The following NAT10 variants were observed in gnomAD, a reference collection of about 807,000 sequenced individuals.
NAT10 encodes RNA cytidine acetyltransferase.
NAT10 carries 109 observed loss-of-function variants against 132.2 expected under a neutral mutation model. That is an observed-to-expected ratio of 0.82 (90% confidence interval 0.71 to 0.97). The LOEUF is 0.97. Among genes scored for constraint, NAT10 ranks in the 50% least tolerant of loss-of-function variants. The pLI is 0.00. For synonymous variants in NAT10, 479 were observed against 478.0 expected (o/e 1.00, Z -0.03); for missense variants, 1,184 against 1,263.4 (o/e 0.94, Z 0.95).
rs551417968 is a variant in NAT10, at chr11:34,145,789, A to G, written c.2970-295A>G. 2.2e-4 allele frequency among the ~76,000 whole-genome samples: 33 copies of G among 152,256 alleles called. 1 individual carries two copies. In the South Asian group the frequency reaches 3.9e-3, roughly 18 times the overall value. On this transcript the variant is annotated intron_variant, in intron 28 of 28. Coordinates refer to ENST00000257829, the MANE Select transcript of NAT10 (RefSeq NM_024662.3). ...TAGGTCTGTCTTGGGAGAGGGGAGC[A>G]GAGTGTACTGCACCCTGAGGAGAAC...
intron 3 of NAT10, among the ~76,000 whole-genome samples, chr11:34,111,749 C>T (rs976315398): frequency 5.3e-5 from 8 of 152,220 alleles, no homozygotes; most frequent in Non-Finnish European, 8.8e-5. Context: ...CAAGCTCTGG[C>T]TTTGGCCAAA....
chr11:34,142,414 T>C, intron 27 of NAT10, 66 bp downstream of exon 27: 1 of 1,416,240 alleles, frequency 7.1e-7, no homozygotes, highest in Non-Finnish European at 9.9e-7. Context: ...GCCTACACGT[T>C]TCTTCTAATC....
At chr11:34,134,218 G>C (rs1003297104) in intron 16 of NAT10, 101 bp from the exon 17 acceptor site, 1 of 968,244 alleles carries the variant, frequency 1.0e-6, no homozygotes, top group African/African-American at 1.6e-5. Context: ...GAACATGGGG[G>C]TGGAAACAAC....
intron 1 of NAT10, 98 bp downstream of exon 1, chr11:34,105,890 C>T (rs527436023): frequency 6.6e-6 from 1 of 152,354 alleles, no homozygotes; most frequent in Non-Finnish European, 1.5e-5. Flanking sequence ...GGCTCTGCAT[C>T]CGGACGGATA....
intron 3 of NAT10, among the ~76,000 whole-genome samples, chr11:34,111,186 T>C (rs1022635101): frequency 4.7e-4 from 71 of 152,102 alleles, no homozygotes; most frequent in African/African-American, 1.7e-3. Context: ...GTACCTCTTA[T>C]AGCTCTTCTG....
chr11:34,132,215 C>T lies in NAT10; in HGVS notation c.1611C>T (p.His537=). 6.2e-7 allele frequency: 1 copy of T among 1,613,066 alleles called. No homozygotes were observed. Among genetic ancestry groups the T allele is most frequent in the Non-Finnish European group, 8.5e-7 (1 of 1,179,046 alleles). ...TTATGGCCCTCTACGTGGCTTCTCACTACAAGGTAACTGCAGCTAGCCCTT... is the reference window on the plus strand; with the variant it reads ...TTATGGCCCTCTACGTGGCTTCTCATTACAAGGTAACTGCAGCTAGCCCTT... The part of the protein sequence containing the change: ...QRLMALYVAS[H]YKNSPNDLQM... The change falls in exon 15 of 29, where the codon CAC becomes CAT. Residue 537 remains histidine (H), a synonymous_variant. Coordinates refer to ENST00000257829, the MANE Select transcript of NAT10 (RefSeq NM_024662.3).
rs138072368 is a variant in NAT10 at position 34,128,876 on chromosome 11, C to T, written c.1244+1277C>T. On this transcript the variant is annotated intron_variant, in intron 12 of 28. Transcript: ENST00000257829. ...CCAACCCTAGGGAGTCACTAATCTA[C>T]TTTCTGTACCCATAGATTTGCCTAT... Among the ~76,000 whole-genome samples, 659 of 152,300 alleles carry T rather than the reference C, an allele frequency of 4.3e-3. 4 individuals are homozygous for T. The highest frequency in any genetic ancestry group is 0.015 in the African/African-American group (633 of 41,556).
At chr11:34,110,559 CTTTTTTTTTTTTTTT>C (rs948109196) in intron 3 of NAT10, among the ~76,000 whole-genome samples, 1 of 101,742 alleles carries the variant, frequency 9.8e-6, no homozygotes, top group African/African-American at 4.5e-5. Flanking sequence ...TTTTCTTTCC[CTTTTTTTTTTTTTTT>C]TTTTTTTTTT....
Position 34,140,445 on chromosome 11 carries a change from T to C in NAT10, c.2465T>C (p.Leu822Pro). 1 of 1,614,200 alleles carries C rather than the reference T, an allele frequency of 6.2e-7. No homozygotes were observed. Among genetic ancestry groups the C allele is most frequent in the Non-Finnish European group, 8.5e-7 (1 of 1,180,020 alleles). ...ELEALFLPYD[L>P]KRLEMYSRNM... is the part of the protein sequence containing the mutation. ...GAAGCACTCTTCCTCCCCTATGACC[T>C]GAAGCGGCTGGAGATGTATTCACGG... Residue 822 changes from leucine to proline, a missense_variant, in exon 24 of 29, where the codon CTG (leucine) becomes CCG (proline). Coordinates refer to ENST00000257829, the MANE Select transcript of NAT10 (RefSeq NM_024662.3).
intron 12 of NAT10, 108 bp from the exon 13 acceptor site, chr11:34,130,705 G>A (rs1255988351): frequency 1.5e-6 from 2 of 1,376,992 alleles, no homozygotes; most frequent in Non-Finnish European, 2.0e-6. Flanking sequence ...CTGTCCTGGG[G>A]GAAGCAGGGG....
chr11:34,136,554 A>G (rs1249411179), intron 19 of NAT10, 88 bp from the exon 20 acceptor site: 6 of 1,516,706 alleles, frequency 4.0e-6, no homozygotes, highest in Non-Finnish European at 5.4e-6. Flanking sequence ...TTGTTGTGCT[A>G]AGTCCAGAGT....
chr11:34,120,143 GT>G (rs771235436), intron 8 of NAT10, among the ~76,000 whole-genome samples: 1,410 of 94,116 alleles, frequency 0.015, 10 homozygotes, highest in African/African-American at 0.057. Flanking sequence ...GTTGCTGTTG[GT>G]TTTTTTTTTT....
At chr11:34,139,151 A>G (rs1554976596) in intron 21 of NAT10, 40 bp from the exon 22 acceptor site, 23 of 1,552,106 alleles carry the variant, frequency 1.5e-5, no homozygotes, top group East Asian at 4.5e-5. Flanking sequence ...ATTCAAAAAA[A>G]GGGGGTTCTT....
intron 19 of NAT10, 149 bp downstream of exon 19, chr11:34,135,440 C>T: frequency 1.5e-6 from 1 of 652,270 alleles, no homozygotes; most frequent in Non-Finnish European, 2.7e-6. Flanking sequence ...ACTTTAGATC[C>T]TCAGATCAGT....
chr11:34,116,941 G>T (rs1342291156), intron 6 of NAT10, among the ~76,000 whole-genome samples: 1 of 152,082 alleles, frequency 6.6e-6, no homozygotes, highest in Non-Finnish European at 1.5e-5. Context: ...GTGTTGGCCA[G>T]GCTGGTGTCG....
chr11:34,124,251 A>T, intron 10 of NAT10, 51 bp from the exon 11 acceptor site: 1 of 1,187,632 alleles, frequency 8.4e-7, no homozygotes, highest in Non-Finnish European at 1.2e-6. Flanking sequence ...CATAATATTT[A>T]GTTTCTGAAA....
At chr11:34,127,327 G>A in intron 11 of NAT10, 136 bp from the exon 12 acceptor site, 2 of 1,056,456 alleles carry the variant, frequency 1.9e-6, no homozygotes, top group Non-Finnish European at 2.7e-6. Flanking sequence ...CCAGGAAAAA[G>A]TAGAAAGGAG....
intron 19 of NAT10, among the ~76,000 whole-genome samples, chr11:34,136,326 C>A (rs1482257405): frequency 6.6e-6 from 1 of 152,152 alleles, no homozygotes; most frequent in East Asian, 1.9e-4. Flanking sequence ...AGGTGATCCA[C>A]CCGCCTCAGT....
chr11:34,143,127 G>A (rs1167364399), intron 27 of NAT10, among the ~76,000 whole-genome samples: 1 of 152,206 alleles, frequency 6.6e-6, no homozygotes, highest in Non-Finnish European at 1.5e-5. Context: ...AAGCTTCTTT[G>A]GTGGATGTTA....
Sources: allele counts gnomAD v4.1 joint callset (sites outside exome capture counted in the v4.1 genomes callset), GRCh38; gene constraint gnomAD v4.1.1; transcripts MANE v1.5; gene names NCBI Gene and HGNC (gene_info 2026-07-23, HGNC 2026-07-21).